DTNA: variants seen among roughly 807,000 people sequenced by gnomAD.
DTNA encodes dystrobrevin alpha, also known as dystrophin-related protein 3.
Under a neutral mutation model 100.7 loss-of-function variants are expected in DTNA, and 43 were observed. That is an observed-to-expected ratio of 0.43 (90% CI 0.33 to 0.55). The LOEUF is 0.55. DTNA is among the 20% of genes least tolerant of loss of function. DTNA has a pLI of 0.04. For missense variants in DTNA, 798 were observed against 953.9 expected (o/e 0.84, Z 2.15); for synonymous variants, 349 against 347.9 (o/e 1.00, Z -0.04).
intron 1 of DTNA, among the ~76,000 whole-genome samples, chr18:34,545,070 A>G (rs1178475090): frequency 2.6e-5 from 4 of 152,130 alleles, no homozygotes; most frequent in African/African-American, 4.8e-5. Context: ...GCAGAATCCT[A>G]TCACCGGAGA....
chr18:34,693,739 G>C (rs938865482), intron 1 of DTNA, among the ~76,000 whole-genome samples: 12 of 125,080 alleles, frequency 9.6e-5, no homozygotes, highest in African/African-American at 3.1e-4. Context: ...TTGTCATCTT[G>C]TGTGCACTGT....
Position 34,749,565 on chromosome 18 carries a change from T to C in DTNA, c.-1-6411T>C, listed in dbSNP as rs140880477. On this transcript the variant is annotated intron_variant, in intron 1 of 22. Transcript: ENST00000444659. The stretch of plus-strand genomic sequence containing the variant: ...GAGAACTACTATGCTGGACACTTGA[T>C]AAGGGAAACCAAATCCCGGATAACC... Among the ~76,000 whole-genome samples the C allele has an allele frequency of 2.6e-3, 391 of 151,718 alleles. 1 individual carries two copies. The highest frequency in any genetic ancestry group is 9.0e-3 in the African/African-American group (371 of 41,306).
intron 1 of DTNA, among the ~76,000 whole-genome samples, chr18:34,613,008 G>A (rs535780196): frequency 1.3e-5 from 2 of 151,906 alleles, no homozygotes; most frequent in Non-Finnish European, 2.9e-5. Flanking sequence ...AAGGTTTGTG[G>A]CAACCCTGCC....
At chr18:34,849,153 A>G (rs1002447227) in intron 14 of DTNA, among the ~76,000 whole-genome samples, 6 of 152,250 alleles carry the variant, frequency 3.9e-5, no homozygotes, top group African/African-American at 1.4e-4. Context: ...GTGTGCCCCC[A>G]AAATCAGACA....
At position 34,610,490 on chromosome 18, in the gene DTNA, G is replaced by A. The variant is rs536552818; in HGVS notation, c.-2+116976G>A. On this transcript the variant is annotated intron_variant, in intron 1 of 19. Coordinates refer to the DTNA transcript ENST00000283365. ...TGAGCATACGGAACATGATTTTGAA[G>A]TGTGGTATATTGTCAACTTATCTTT... Among the ~76,000 whole-genome samples, 13 of 152,294 alleles carry A rather than the reference G, an allele frequency of 8.5e-5. 1 individual carries two copies. The South Asian group carries it at 1.2e-3, about 15-fold the overall frequency.
chr18:34,598,155 A>C (rs1018354427), intron 1 of DTNA, among the ~76,000 whole-genome samples: 1 of 151,946 alleles, frequency 6.6e-6, no homozygotes, highest in African/African-American at 2.4e-5. Flanking sequence ...AGTCAGTAAA[A>C]ACATGTTTAT....
At chr18:34,811,443 A>G (rs1021323023) in intron 5 of DTNA, among the ~76,000 whole-genome samples, 15 of 150,368 alleles carry the variant, frequency 1.0e-4, no homozygotes, top group African/African-American at 3.7e-4. Context: ...AGTGTTTGTC[A>G]TTACATCTTT....
At chr18:34,582,935 A>G (rs2048778622) in intron 1 of DTNA, among the ~76,000 whole-genome samples, 1 of 152,210 alleles carries the variant, frequency 6.6e-6, no homozygotes. Context: ...TCACTATTAG[A>G]TTTTACATTG....
chr18:34,751,522 C>G (rs921382018), intron 1 of DTNA, among the ~76,000 whole-genome samples: 3 of 152,196 alleles, frequency 2.0e-5, no homozygotes, highest in African/African-American at 7.2e-5. Flanking sequence ...CTGTTAATCT[C>G]TGAAGTGTCT....
chr18:34,668,854 T>C (rs1381231773), intron 1 of DTNA, among the ~76,000 whole-genome samples: 1 of 152,196 alleles, frequency 6.6e-6, no homozygotes, highest in Non-Finnish European at 1.5e-5. Flanking sequence ...AACTATGTGG[T>C]CAATTTTGGA....
At chr18:34,659,761 G>A (rs770124801) in intron 1 of DTNA, among the ~76,000 whole-genome samples, 1 of 152,126 alleles carries the variant, frequency 6.6e-6, no homozygotes, top group Non-Finnish European at 1.5e-5. Context: ...GAGCATGTGA[G>A]CCTGTTATCT....
At chr18:34,507,985 A>C (rs1423587118) in intron 1 of DTNA, among the ~76,000 whole-genome samples, 1 of 152,146 alleles carries the variant, frequency 6.6e-6, no homozygotes, top group Non-Finnish European at 1.5e-5. Flanking sequence ...TTTTCAAGTA[A>C]ATATAGTAAG....
chr18:34,571,300 AT>A (rs1386966412), intron 1 of DTNA, among the ~76,000 whole-genome samples: 1 of 152,196 alleles, frequency 6.6e-6, no homozygotes, highest in Non-Finnish European at 1.5e-5. Flanking sequence ...TATTTCTAAA[AT>A]GTTTCCAGGG....
chr18:34,544,216 T>C (rs983260908), intron 1 of DTNA, among the ~76,000 whole-genome samples: 4 of 152,096 alleles, frequency 2.6e-5, no homozygotes, highest in African/African-American at 7.2e-5. Flanking sequence ...GGGTTTTTCA[T>C]GTAAATAACA....
At chr18:34,742,059 T>C (rs2090747627) in intron 1 of DTNA, among the ~76,000 whole-genome samples, 1 of 152,190 alleles carries the variant, frequency 6.6e-6, no homozygotes, top group Admixed American at 6.5e-5. Context: ...GTCTAAAGGA[T>C]ATTTAGGAGG....
intron 1 of DTNA, among the ~76,000 whole-genome samples, chr18:34,682,619 C>A (rs1010440485): frequency 2.0e-5 from 3 of 152,110 alleles, no homozygotes; most frequent in African/African-American, 7.2e-5. Context: ...TGTTGAACAT[C>A]TTTTCATATG....
chr18:34,809,481 A>C (rs889114182), intron 5 of DTNA, among the ~76,000 whole-genome samples: 10 of 152,148 alleles, frequency 6.6e-5, no homozygotes, highest in Non-Finnish European at 1.5e-4. Context: ...CAAAACAAAA[A>C]AAACAGGTAA....
chr18:34,693,830 T>A (rs2145928465), intron 1 of DTNA, among the ~76,000 whole-genome samples: 1 of 151,736 alleles, frequency 6.6e-6, no homozygotes, highest in South Asian at 2.1e-4. Flanking sequence ...AATGGGAATA[T>A]TAAAATAGCC....
At chr18:34,663,177 A>T (rs1024708481) in intron 1 of DTNA, among the ~76,000 whole-genome samples, 1 of 152,048 alleles carries the variant, frequency 6.6e-6, no homozygotes, top group African/African-American at 2.4e-5. Flanking sequence ...TTTTTGAGAT[A>T]GGGTCTCACT....
Sources: gnomAD v4.1 joint callset for allele counts (sites outside exome capture counted in the v4.1 genomes callset) on GRCh38, gnomAD v4.1.1 for gene constraint, MANE v1.5 for transcripts, NCBI Gene and HGNC (gene_info 2026-07-23, HGNC 2026-07-21) for gene names.